EPS15L1: variants seen among roughly 807,000 people sequenced by gnomAD.
EPS15L1 encodes epidermal growth factor receptor substrate 15-like 1.
In EPS15L1, 43 loss-of-function variants were observed where a neutral mutation model predicts 117.1. That is an observed-to-expected ratio of 0.37 (90% CI 0.29 to 0.47). The LOEUF (loss-of-function observed/expected upper bound fraction) is 0.47. Ranked by LOEUF, EPS15L1 falls within the 20% of genes least tolerant of loss-of-function variation. The pLI is 0.99. For synonymous variants in EPS15L1, 459 were observed against 470.5 expected, an observed-to-expected ratio of 0.98 and a Z score of 0.32; for missense variants, 981 against 1,164.0, an observed-to-expected ratio of 0.84 and a Z score of 2.29.
chr19:16,399,307 G>A (rs1377040158), intron 16 of EPS15L1, among the ~76,000 whole-genome samples: 2 of 152,158 alleles, frequency 1.3e-5, no homozygotes, highest in Non-Finnish European at 2.9e-5. Context: ...TCTACCCCTT[G>A]CAGACCACCT....
intron 13 of EPS15L1, among the ~76,000 whole-genome samples, chr19:16,406,945 C>T (rs960571848): frequency 1.4e-4 from 22 of 152,202 alleles, no homozygotes; most frequent in Middle Eastern, 3.4e-3. Flanking sequence ...TAAAAGAGGC[C>T]CCTGAGAGCT....
intron 1 of EPS15L1, among the ~76,000 whole-genome samples, chr19:16,466,919 A>G (rs2093310279): frequency 6.6e-6 from 1 of 151,508 alleles, no homozygotes; most frequent in Non-Finnish European, 1.5e-5. Flanking sequence ...AAAAAAAAAA[A>G]GGAAAGCACT....
intron 8 of EPS15L1, among the ~76,000 whole-genome samples, chr19:16,425,876 A>G (rs1353054964): frequency 6.6e-6 from 1 of 152,232 alleles, no homozygotes; most frequent in Non-Finnish European, 1.5e-5. Flanking sequence ...CCACAGCCAT[A>G]GAAATAAATT....
chr19:16,414,391 C>CT (rs928974875), intron 12 of EPS15L1, among the ~76,000 whole-genome samples: 2 of 152,120 alleles, frequency 1.3e-5, no homozygotes, highest in African/African-American at 4.8e-5. Context: ...CCAGGACAGC[C>CT]TGTCTGAACT....
Position 16,355,577 on chromosome 19 carries a change from T to C in EPS15L1, c.*128A>G, listed in dbSNP as rs1228502927. 7.9e-7 allele frequency: 1 copy of C among 1,259,894 alleles called. No homozygotes were observed. The highest frequency in any genetic ancestry group is 1.5e-5 in the South Asian group (1 of 66,496). 78.0% of individuals were successfully genotyped at this position (1,259,894 alleles called of 1,614,324 possible). On this transcript the variant is annotated 3_prime_UTR_variant, in exon 24 of 24. Coordinates refer to ENST00000455140, the MANE Select transcript of EPS15L1 (RefSeq NM_001258374.3). ...GTCTTGCAGCCGAGTCTGCTCACCC[T>C]GAACAAGCCCCCGAGTCCCGGTCCT...
At chr19:16,392,269 C>T (rs540405223) in intron 19 of EPS15L1, 35 bp downstream of exon 19, 84 of 1,612,582 alleles carry the variant, frequency 5.2e-5, no homozygotes, top group Admixed American at 1.7e-4. Flanking sequence ...AGAGCAGGCA[C>T]GCAGCTCTCC....
chr19:16,411,862 G>A (rs1242646523), intron 13 of EPS15L1, among the ~76,000 whole-genome samples: 1 of 151,990 alleles, frequency 6.6e-6, no homozygotes, highest in African/African-American at 2.4e-5. Flanking sequence ...ACTACACCCG[G>A]CTTTTGCAAA....
In EPS15L1 at chr19:16,365,869, G is replaced by A. The variant is rs981281063; in HGVS notation, c.2381-3885C>T. On this transcript the variant is annotated intron_variant, in intron 22 of 23. Coordinates refer to ENST00000455140, the MANE Select transcript of EPS15L1 (RefSeq NM_001258374.3). The surrounding 1 kb of genome is among the most constrained non-coding windows in gnomAD (Gnocchi z 4.9). ...CCTGGTGCCCTCCAGCCCAGGGCTCGGCACACAGTGGGCTTCAGGAGGTCC... is the reference window on the plus strand; with the variant it reads ...CCTGGTGCCCTCCAGCCCAGGGCTCAGCACACAGTGGGCTTCAGGAGGTCC... 6.6e-6 allele frequency among the ~76,000 whole-genome samples: 1 copy of A among 152,172 alleles called. No homozygotes were observed. The highest frequency in any genetic ancestry group is 2.4e-5 in the African/African-American group (1 of 41,440).
chr19:16,383,906 G>GA lies in EPS15L1; in HGVS notation c.2247+1222dup. 6.6e-6 allele frequency: 1 copy of GA among 152,492 alleles called. No individual in the cohort carries two copies. The highest frequency in any genetic ancestry group is 1.9e-4 in the East Asian group (1 of 5,176). 9.4% of individuals were successfully genotyped at this position (152,492 alleles called of 1,614,324 possible). ...CTGGGCATGGGGCCGGTGGGGCCCC[G>GA]AGGGGGCCTCATGCCTGGGGCACGC... is the stretch of plus-strand genomic sequence containing the variant. On this transcript the variant is annotated intron_variant, in intron 21 of 23. Coordinates refer to ENST00000455140, the MANE Select transcript of EPS15L1 (RefSeq NM_001258374.3). The surrounding 1 kb of genome is among the most constrained non-coding windows in gnomAD (Gnocchi z 5.2).
intron 16 of EPS15L1, among the ~76,000 whole-genome samples, chr19:16,399,153 C>A (rs2092571423): frequency 6.6e-6 from 1 of 152,148 alleles, no homozygotes; most frequent in Non-Finnish European, 1.5e-5. Flanking sequence ...TGGCCTGAAG[C>A]CACAATCACT....
At chr19:16,451,189 G>C (rs1051115962) in intron 1 of EPS15L1, among the ~76,000 whole-genome samples, 2 of 152,024 alleles carry the variant, frequency 1.3e-5, no homozygotes, top group South Asian at 2.1e-4. Context: ...GACCTCAGGT[G>C]ATCTGCCTGC....
At chr19:16,454,819 CTT>C (rs538990101) in intron 1 of EPS15L1, among the ~76,000 whole-genome samples, 24 of 143,430 alleles carry the variant, frequency 1.7e-4, no homozygotes, top group East Asian at 2.0e-4. Context: ...TTTCTTTTTT[CTT>C]TTTTTTTTTT....
chr19:16,416,495 A>G (rs2092759179), intron 12 of EPS15L1, among the ~76,000 whole-genome samples: 1 of 152,090 alleles, frequency 6.6e-6, no homozygotes, highest in South Asian at 2.1e-4. Context: ...AAAATTAGCC[A>G]GGCATGGTGG....
intron 13 of EPS15L1, among the ~76,000 whole-genome samples, chr19:16,408,418 G>GT (rs2092677209): frequency 6.6e-6 from 1 of 151,152 alleles, no homozygotes; most frequent in Admixed American, 6.7e-5. Flanking sequence ...GAGGTCAGGA[G>GT]TTTGAGACCA....
intron 12 of EPS15L1, among the ~76,000 whole-genome samples, chr19:16,415,559 T>C (rs1174755522): frequency 6.6e-6 from 1 of 152,218 alleles, no homozygotes; most frequent in Non-Finnish European, 1.5e-5. Context: ...CTCTTTAAAC[T>C]GAAGGACCTG....
At position 16,394,016 on chromosome 19, in the gene EPS15L1, A is replaced by T; in HGVS notation, c.1916-15T>A. 6.2e-7 allele frequency: 1 copy of T among 1,613,798 alleles called. No individual in the cohort carries two copies. Among genetic ancestry groups the T allele is most frequent in the East Asian group, 2.2e-5 (1 of 44,876 alleles). On this transcript the variant is annotated splice_polypyrimidine_tract_variant and intron_variant, in intron 17 of 23. Coordinates refer to ENST00000455140, the MANE Select transcript of EPS15L1 (RefSeq NM_001258374.3). ...GAACGGGTCGCCTGGTTGGAAGAGG[A>T]GAGAAATGCTTATTAGCTCTAGGGC...
At chr19:16,466,096 C>G (rs1205989834) in intron 1 of EPS15L1, among the ~76,000 whole-genome samples, 3 of 150,630 alleles carry the variant, frequency 2.0e-5, no homozygotes, top group African/African-American at 7.3e-5. Context: ...CCAAGCAATT[C>G]TCCTGCCTCA....
chr19:16,454,131 T>C (rs1166457683), intron 1 of EPS15L1, among the ~76,000 whole-genome samples: 2 of 152,096 alleles, frequency 1.3e-5, no homozygotes, highest in African/African-American at 2.4e-5. Flanking sequence ...GGTTCGCTGT[T>C]TTCCCCCCTT....
intron 8 of EPS15L1, among the ~76,000 whole-genome samples, chr19:16,426,678 G>A (rs1364291377): frequency 1.3e-5 from 2 of 152,024 alleles, no homozygotes; most frequent in African/African-American, 4.8e-5. Context: ...AAAAGTCCAC[G>A]TCAAGAGACA....
Sources: gnomAD v4.1 joint callset for allele counts (sites outside exome capture counted in the v4.1 genomes callset) on GRCh38, gnomAD v4.1.1 for gene constraint, Gnocchi (gnomAD v3.1) non-coding constraint, MANE v1.5 for transcripts, NCBI Gene and HGNC (gene_info 2026-07-23, HGNC 2026-07-21) for gene names.